The following PTPRK variants were observed in gnomAD, a reference collection of about 807,000 sequenced individuals.
PTPRK encodes protein tyrosine phosphatase receptor type K, also known as receptor-type tyrosine-protein phosphatase kappa.
Under a neutral mutation model 178.0 loss-of-function variants are expected in PTPRK, and 75 were observed. The observed-to-expected ratio is 0.42, with a 90% CI of 0.35 to 0.51. The LOEUF is 0.51. PTPRK is among the 20% of genes least tolerant of loss of function. PTPRK has a pLI of 0.02. For synonymous variants in PTPRK, 637 were observed against 620.6 expected (o/e 1.03, Z -0.39); for missense variants, 1,441 against 1,797.8 (o/e 0.80, Z 3.59).
intron 8 of PTPRK, among the ~76,000 whole-genome samples, chr6:128,087,395 C>G (rs1388759292): frequency 6.6e-6 from 1 of 151,884 alleles, no homozygotes; most frequent in East Asian, 1.9e-4. Flanking sequence ...TACAAAGTGC[C>G]TAGTGTGACA....
At chr6:128,493,319 T>C (rs1584957072) in intron 1 of PTPRK, among the ~76,000 whole-genome samples, 1 of 152,044 alleles carries the variant, frequency 6.6e-6, no homozygotes, top group Non-Finnish European at 1.5e-5. Flanking sequence ...TCCCAGCACT[T>C]TGGGAGGCCA....
At chr6:128,314,051 T>C (rs1173778322) in intron 3 of PTPRK, among the ~76,000 whole-genome samples, 1 of 152,152 alleles carries the variant, frequency 6.6e-6, no homozygotes, top group African/African-American at 2.4e-5. Context: ...TCCTTCCATA[T>C]TTAGGTCCTT....
intron 3 of PTPRK, among the ~76,000 whole-genome samples, chr6:128,305,165 G>A (rs973034991): frequency 7.9e-5 from 12 of 152,124 alleles, no homozygotes; most frequent in Admixed American, 3.9e-4. Flanking sequence ...CCGTTTCAAA[G>A]TCATCATTTT....
intron 13 of PTPRK, among the ~76,000 whole-genome samples, chr6:128,033,950 C>T (rs1316273900): frequency 2.0e-5 from 3 of 152,046 alleles, no homozygotes; most frequent in Admixed American, 6.6e-5. Context: ...GATTAGAGTC[C>T]TCTGAGTGCC....
At chr6:128,506,125 C>A (rs1336663343) in intron 1 of PTPRK, among the ~76,000 whole-genome samples, 1 of 152,178 alleles carries the variant, frequency 6.6e-6, no homozygotes, top group Admixed American at 6.5e-5. Flanking sequence ...CATTCTATAA[C>A]CATTGGGGAA....
chr6:128,023,546 A>G (rs79561495), intron 13 of PTPRK, among the ~76,000 whole-genome samples: 4,523 of 152,292 alleles, frequency 0.03, 92 homozygotes, highest in Non-Finnish European at 0.043. Context: ...TGGTTTCCCA[A>G]TAAAACTCTG....
intron 7 of PTPRK, among the ~76,000 whole-genome samples, chr6:128,103,198 C>A (rs756424355): frequency 2.0e-5 from 3 of 151,994 alleles, no homozygotes; most frequent in Non-Finnish European, 4.4e-5. Flanking sequence ...GGAGATCAGC[C>A]GTGAAACAGC....
At chr6:128,273,482 A>G (rs1820223696) in intron 3 of PTPRK, among the ~76,000 whole-genome samples, 1 of 152,286 alleles carries the variant, frequency 6.6e-6, no homozygotes, top group Non-Finnish European at 1.5e-5. Flanking sequence ...CCTCCTTCCT[A>G]TGTAAAATTG....
intron 1 of PTPRK, among the ~76,000 whole-genome samples, chr6:128,485,664 G>A (rs1852718407): frequency 6.6e-6 from 1 of 152,204 alleles, no homozygotes; most frequent in African/African-American, 2.4e-5. Context: ...CCATGGAAGA[G>A]CGATGGAGTA....
intron 7 of PTPRK, among the ~76,000 whole-genome samples, chr6:128,098,048 C>T (rs995489165): frequency 1.3e-5 from 2 of 152,128 alleles, no homozygotes; most frequent in Admixed American, 1.3e-4. Context: ...TTACCTACCT[C>T]TTATGTTGTT....
intron 1 of PTPRK, among the ~76,000 whole-genome samples, chr6:128,464,656 T>TATAC (rs1554271943): frequency 9.7e-6 from 1 of 102,776 alleles, no homozygotes; most frequent in Non-Finnish European, 1.9e-5. Context: ...TATATATATA[T>TATAC]ATATATATAT....
intron 6 of PTPRK, among the ~76,000 whole-genome samples, chr6:128,210,558 T>C (rs1807948340): frequency 6.6e-6 from 1 of 152,104 alleles, no homozygotes; most frequent in African/African-American, 2.4e-5. Context: ...GGAAGTCTAA[T>C]GCCCAGAGAC....
chr6:128,365,376 T>A (rs1835341136), intron 2 of PTPRK, among the ~76,000 whole-genome samples: 1 of 152,096 alleles, frequency 6.6e-6, no homozygotes, highest in Non-Finnish European at 1.5e-5. Flanking sequence ...TCATTTGAGA[T>A]TTGATATCAT....
chr6:128,013,305 G>A, intron 13 of PTPRK, among the ~76,000 whole-genome samples: 1 of 151,378 alleles, frequency 6.6e-6, no homozygotes, highest in East Asian at 2.0e-4. Flanking sequence ...CATACTTTCT[G>A]GCTTGGTGAT....
chr6:128,375,812 T>C (rs1229157485), intron 2 of PTPRK, among the ~76,000 whole-genome samples: 1 of 152,044 alleles, frequency 6.6e-6, no homozygotes, highest in Non-Finnish European at 1.5e-5. Flanking sequence ...CCCTTCCAAA[T>C]AGGAGAAATT....
At chr6:128,191,724 G>GA (rs149545394) in intron 6 of PTPRK, among the ~76,000 whole-genome samples, 32 of 148,596 alleles carry the variant, frequency 2.2e-4, no homozygotes, top group Middle Eastern at 3.4e-3. Flanking sequence ...AATCTGAAGC[G>GA]AAAAAAAAAA....
At chr6:128,166,134 T>C (rs1051986260) in intron 7 of PTPRK, among the ~76,000 whole-genome samples, 2 of 151,598 alleles carry the variant, frequency 1.3e-5, no homozygotes, top group Non-Finnish European at 3.0e-5. Context: ...AATAATTTGG[T>C]AACAACAAAG....
intron 7 of PTPRK, among the ~76,000 whole-genome samples, chr6:128,098,148 A>T (rs1039555893): frequency 1.3e-5 from 2 of 152,190 alleles, no homozygotes; most frequent in Non-Finnish European, 2.9e-5. Flanking sequence ...ACAATAAAGC[A>T]GGTAGTTTCA....
chr6:128,293,253 C>G (rs905880189), intron 3 of PTPRK, among the ~76,000 whole-genome samples: 1 of 151,974 alleles, frequency 6.6e-6, no homozygotes, highest in Non-Finnish European at 1.5e-5. Context: ...CTAGAAGCTG[C>G]GAAGTCCAAA....
Sources: gnomAD v4.1 joint callset for allele counts (sites outside exome capture counted in the v4.1 genomes callset) on GRCh38, gnomAD v4.1.1 for gene constraint, MANE v1.5 for transcripts, NCBI Gene and HGNC (gene_info 2026-07-23, HGNC 2026-07-21) for gene names.